Variants in FILIP1L observed in about 807,000 individuals in gnomAD.
FILIP1L encodes the protein filamin A interacting protein 1 like.
FILIP1L carries 55 observed loss-of-function variants against 96.6 expected under a neutral mutation model. The observed-to-expected ratio is 0.57, with a 90% CI of 0.46 to 0.71. The LOEUF is 0.71. Ranked by LOEUF, FILIP1L falls within the 30% of genes least tolerant of loss-of-function variation. The pLI is 0.00. For synonymous variants in FILIP1L, 467 were observed against 473.9 expected (o/e 0.99, Z 0.19); for missense variants, 1,304 against 1,321.2 (o/e 0.99, Z 0.20).
intron 1 of FILIP1L, among the ~76,000 whole-genome samples, chr3:100,092,764 T>G (rs1030267505): frequency 6.6e-6 from 1 of 151,266 alleles, no homozygotes; most frequent in South Asian, 2.1e-4. Flanking sequence ...TCATGTCTTA[T>G]CTCCCTGCAT....
intron 1 of FILIP1L, among the ~76,000 whole-genome samples, chr3:100,042,318 A>G (rs896507941): frequency 1.3e-5 from 2 of 152,288 alleles, no homozygotes; most frequent in South Asian, 4.1e-4. Context: ...TTGTATTCTA[A>G]TAAGAAGACC....
At chr3:99,876,146 C>T in intron 4 of FILIP1L, 1 of 986,134 alleles carries the variant, frequency 1.0e-6, no homozygotes, top group Non-Finnish European at 1.2e-6. Flanking sequence ...GCCGACTGTG[C>T]GCGCTCCGAG....
intron 1 of FILIP1L, among the ~76,000 whole-genome samples, chr3:100,016,079 A>G (rs1018011070): frequency 8.5e-5 from 13 of 152,162 alleles, no homozygotes; most frequent in Admixed American, 5.2e-4. Flanking sequence ...ACAACACTTC[A>G]TTTCAGCAAG....
At chr3:99,966,090 G>A (rs747302017) in intron 1 of FILIP1L, among the ~76,000 whole-genome samples, 5 of 152,208 alleles carry the variant, frequency 3.3e-5, no homozygotes, top group African/African-American at 4.8e-5. Context: ...AACACAGAAA[G>A]TGATATTTAC....
chr3:99,897,345 G>A (rs1320040598), intron 4 of FILIP1L, among the ~76,000 whole-genome samples: 1 of 151,930 alleles, frequency 6.6e-6, no homozygotes, highest in South Asian at 2.1e-4. Context: ...CTCCAGCCTG[G>A]GGGACAAGAG....
chr3:99,952,093 G>A (rs1468826532), intron 1 of FILIP1L, among the ~76,000 whole-genome samples: 1 of 151,918 alleles, frequency 6.6e-6, no homozygotes, highest in Non-Finnish European at 1.5e-5. Context: ...CTGTTAAAGA[G>A]AATATATAGA....
chr3:99,870,808 A>G (rs1249493073), intron 4 of FILIP1L, among the ~76,000 whole-genome samples: 1 of 152,216 alleles, frequency 6.6e-6, no homozygotes, highest in Non-Finnish European at 1.5e-5. Context: ...TGCTTGGGAA[A>G]AGGCAGTCTG....
At chr3:99,954,422 A>T (rs1034822983) in intron 1 of FILIP1L, among the ~76,000 whole-genome samples, 2 of 152,248 alleles carry the variant, frequency 1.3e-5, no homozygotes, top group Non-Finnish European at 2.9e-5. Context: ...AACAAGGGAC[A>T]TTAGGAAACT....
chr3:100,096,817 T>G (rs900691083), intron 1 of FILIP1L, among the ~76,000 whole-genome samples: 3 of 152,212 alleles, frequency 2.0e-5, no homozygotes, highest in South Asian at 4.1e-4. Flanking sequence ...AATGGATACC[T>G]TATTTCCCAT....
intron 1 of FILIP1L, among the ~76,000 whole-genome samples, chr3:99,993,198 A>G (rs1709573804): frequency 6.6e-6 from 1 of 152,038 alleles, no homozygotes; most frequent in Non-Finnish European, 1.5e-5. Context: ...TTGGTGAAAA[A>G]TGACATTGGT....
At chr3:99,833,007 C>T in intron 5 of FILIP1L, 2 of 518,978 alleles carry the variant, frequency 3.9e-6, no homozygotes, top group Non-Finnish European at 3.4e-6. Flanking sequence ...ATTTGGAATG[C>T]ATATTGCAAG....
intron 4 of FILIP1L, among the ~76,000 whole-genome samples, chr3:99,889,973 C>A (rs1482613869): frequency 6.6e-6 from 1 of 152,032 alleles, no homozygotes; most frequent in African/African-American, 2.4e-5. Flanking sequence ...ATATTTAACA[C>A]TTTCTTCGCC....
rs528252376 is a variant in FILIP1L, at chr3:100,044,566, G to A, written c.-11+69487C>T. Among the ~76,000 whole-genome samples the A allele has an allele frequency of 6.6e-5, 10 of 152,270 alleles. No individual in the cohort carries two copies. The East Asian group carries it at 1.9e-3, about 29-fold the overall frequency. The stretch of plus-strand genomic sequence containing the variant: ...CTGAAAAAAGTCAAGCTAGACTAGA[G>A]CCCAGTGAAAGAGAGGGAAGTAGAA... On this transcript the variant is annotated intron_variant, in intron 1 of 5. Transcript: ENST00000477258.
chr3:100,006,723 AG>A (rs2107181570), intron 1 of FILIP1L, among the ~76,000 whole-genome samples: 1 of 151,920 alleles, frequency 6.6e-6, no homozygotes, highest in East Asian at 1.9e-4. Flanking sequence ...AGAGTTTGCT[AG>A]TTAAGTTAGG....
chr3:99,858,969 C>G (rs1201082037), intron 4 of FILIP1L, among the ~76,000 whole-genome samples: 1 of 152,210 alleles, frequency 6.6e-6, no homozygotes, highest in Non-Finnish European at 1.5e-5. Flanking sequence ...ATGTTTCCAT[C>G]ATTAATAAAG....
intron 3 of FILIP1L, among the ~76,000 whole-genome samples, chr3:99,927,082 A>G (rs1215145615): frequency 1.3e-5 from 2 of 152,170 alleles, no homozygotes; most frequent in Non-Finnish European, 2.9e-5. Context: ...CCCAACTTTC[A>G]GCCACACTGG....
intron 4 of FILIP1L, among the ~76,000 whole-genome samples, chr3:99,879,796 A>G (rs2107600361): frequency 6.6e-6 from 1 of 152,322 alleles, no homozygotes; most frequent in South Asian, 2.1e-4. Flanking sequence ...GTACAAAGAA[A>G]AACAGCAAGA....
At chr3:100,105,902 A>G (rs1267954507) in intron 1 of FILIP1L, among the ~76,000 whole-genome samples, 1 of 152,120 alleles carries the variant, frequency 6.6e-6, no homozygotes, top group Non-Finnish European at 1.5e-5. Context: ...TTTTTAATCA[A>G]TGAGCTTTCT....
chr3:99,968,429 G>GA (rs1201793323), intron 1 of FILIP1L, among the ~76,000 whole-genome samples: 24 of 148,596 alleles, frequency 1.6e-4, no homozygotes, highest in Admixed American at 8.7e-4. Context: ...GTTTTTGGGG[G>GA]AAAAAAAAAA....
Sources: gnomAD v4.1 joint callset for allele counts (sites outside exome capture counted in the v4.1 genomes callset) on GRCh38, gnomAD v4.1.1 for gene constraint, MANE v1.5 for transcripts, NCBI Gene and HGNC (gene_info 2026-07-23, HGNC 2026-07-21) for gene names.